The following FMN1 variants were observed in gnomAD, a reference collection of about 807,000 sequenced individuals.
The protein encoded by FMN1 is formin-1.
A neutral mutation model predicts 132.4 loss-of-function variants in FMN1; 110 were observed. The ratio of observed to expected loss-of-function variants is 0.83; its 90% CI spans 0.71 to 0.97. The LOEUF (loss-of-function observed/expected upper bound fraction) is 0.97, where lower values mean the gene tolerates loss of function less well. Ranked by LOEUF, FMN1 falls within the 50% of genes least tolerant of loss-of-function variation. FMN1 has a pLI of 0.00. For missense variants in FMN1, 1,792 were observed against 1,705.3 expected, an observed-to-expected ratio of 1.05 and a Z score of -0.90; for synonymous variants, 722 against 651.7, an observed-to-expected ratio of 1.11 and a Z score of -1.64.
intron 5 of FMN1, chr15:33,066,829 G>A: frequency 6.2e-7 from 1 of 1,613,996 alleles, no homozygotes; most frequent in Non-Finnish European, 8.5e-7. Flanking sequence ...TTTTGGGCAT[G>A]TCAATGTTGA....
intron 5 of FMN1, among the ~76,000 whole-genome samples, chr15:33,084,748 C>G (rs2038623330): frequency 6.6e-6 from 1 of 152,168 alleles, no homozygotes; most frequent in Non-Finnish European, 1.5e-5. Flanking sequence ...TGAGTCTTCT[C>G]ATAGTTTAGT....
chr15:32,884,663 A>G (rs1249754456), intron 16 of FMN1, among the ~76,000 whole-genome samples: 2 of 152,016 alleles, frequency 1.3e-5, no homozygotes, highest in African/African-American at 4.8e-5. Context: ...GCAAGGACAA[A>G]GAGGGAGAAT....
At chr15:33,103,678 C>T (rs1004752838) in intron 4 of FMN1, among the ~76,000 whole-genome samples, 5 of 152,052 alleles carry the variant, frequency 3.3e-5, no homozygotes, top group African/African-American at 9.7e-5. Context: ...CCCTAATCCA[C>T]CAAAATGAGC....
At chr15:32,779,636 T>G (rs914573653) in intron 19 of FMN1, among the ~76,000 whole-genome samples, 1 of 152,208 alleles carries the variant, frequency 6.6e-6, no homozygotes, top group African/African-American at 2.4e-5. Flanking sequence ...GACAACCTAA[T>G]GAATAGGTTC....
chr15:33,089,275 T>G (rs1179569754), intron 4 of FMN1, among the ~76,000 whole-genome samples: 1 of 152,154 alleles, frequency 6.6e-6, no homozygotes, highest in Non-Finnish European at 1.5e-5. Flanking sequence ...TCAGAGGAGC[T>G]AGGGGACAGA....
chr15:32,973,921 A>G (rs1037783645), intron 7 of FMN1, among the ~76,000 whole-genome samples: 4 of 152,184 alleles, frequency 2.6e-5, no homozygotes, highest in Non-Finnish European at 4.4e-5. Context: ...ATCCAGATAC[A>G]CAGCTAGAAA....
chr15:32,976,102 T>C (rs181840026), intron 7 of FMN1, among the ~76,000 whole-genome samples: 2 of 152,240 alleles, frequency 1.3e-5, no homozygotes, highest in African/African-American at 4.8e-5. Flanking sequence ...ACATTCTCTC[T>C]AGGTGGTGCT....
intron 17 of FMN1, among the ~76,000 whole-genome samples, chr15:32,817,218 AC>A: frequency 6.6e-6 from 1 of 152,210 alleles, no homozygotes; most frequent in Non-Finnish European, 1.5e-5. Context: ...TGAATAGACT[AC>A]CAGAACGTCC....
chr15:32,962,603 G>A (rs1355456922), intron 9 of FMN1, among the ~76,000 whole-genome samples: 1 of 150,754 alleles, frequency 6.6e-6, no homozygotes, highest in East Asian at 1.9e-4. Flanking sequence ...TCTGACAAAG[G>A]GCTAATATCC....
intron 3 of FMN1, among the ~76,000 whole-genome samples, chr15:33,161,548 TG>T (rs1964890030): frequency 1.3e-5 from 2 of 152,296 alleles, no homozygotes; most frequent in East Asian, 3.9e-4. Flanking sequence ...TGTGTGATTT[TG>T]GACAAGTTAT....
chr15:32,980,561 T>C (rs566151143), intron 7 of FMN1, among the ~76,000 whole-genome samples: 2 of 152,298 alleles, frequency 1.3e-5, no homozygotes, highest in Non-Finnish European at 2.9e-5. Flanking sequence ...TACACATTTA[T>C]ATACCATCAG....
chr15:32,770,500 A>G lies in FMN1; in HGVS notation c.*3810T>C, dbSNP rs918841084. 2 of 152,238 alleles carry G rather than the reference A, an allele frequency of 1.3e-5. No individual in the cohort carries two copies. Among genetic ancestry groups the G allele is most frequent in the African/African-American group, 2.4e-5 (1 of 41,462 alleles). 9.4% of individuals were successfully genotyped at this position (152,238 alleles called of 1,614,324 possible). ...GCTACATCTCACTGCGGCCCTTAGA[A>G]AAACCGTACCAATGACTTATCTTAC... On this transcript the variant is annotated 3_prime_UTR_variant, in exon 21 of 21. Transcript: ENST00000616417.
Position 33,110,306 on chromosome 15 carries a change from T to C in FMN1, c.1868-21332A>G, listed in dbSNP as rs192385053. The stretch of plus-strand genomic sequence containing the variant: ...ATTGTTCACAATAACTGAAACAATA[T>C]TTATGAAAAGTTAAAAAACACAGGA... On this transcript the variant is annotated intron_variant, in intron 4 of 20. Transcript: ENST00000616417. Among the ~76,000 whole-genome samples the C allele has an allele frequency of 4.4e-3, 672 of 152,162 alleles. 11 individuals are homozygous for C. Among genetic ancestry groups the C allele is most frequent in the Admixed American group, 0.029 (439 of 15,252 alleles).
At chr15:32,984,121 C>G (rs2032896752) in intron 7 of FMN1, among the ~76,000 whole-genome samples, 1 of 151,808 alleles carries the variant, frequency 6.6e-6, no homozygotes, top group Admixed American at 6.6e-5. Flanking sequence ...TGCTTCCAAA[C>G]AAAAAAAGTT....
Position 32,969,479 on chromosome 15 carries a change from T to TATAGGAAA in FMN1, c.2224-10_2224-3dup. 1 of 1,612,326 alleles carries TATAGGAAA rather than the reference T, an allele frequency of 6.2e-7. No homozygotes were observed. The highest frequency in any genetic ancestry group is 1.1e-5 in the South Asian group (1 of 90,970). ...AAATGCCCGAAGTTCAAACTGTGCC[T>TATAGGAAA]ATAGGAAAATTCAGAGGGAAAGAAA... On this transcript the variant is annotated splice_region_variant and splice_polypyrimidine_tract_variant and intron_variant, in intron 7 of 20. Transcript: ENST00000616417.
In FMN1 at chr15:33,054,021, G is replaced by A. The variant is rs1044439152; in HGVS notation, c.2161+10936C>T. Among the ~76,000 whole-genome samples, 4 of 152,098 alleles carry A rather than the reference G, an allele frequency of 2.6e-5. No homozygotes were observed. In the East Asian group the frequency reaches 7.7e-4, roughly 29 times the overall value. On this transcript the variant is annotated intron_variant, in intron 6 of 20. Transcript: ENST00000616417. ...TCTCCAGTGCCTCTCCTCTCCCTGA[G>A]AGTTGAGGAGGTGCTAAAAAATCCA...
At position 32,823,247 on chromosome 15, in the gene FMN1, T is replaced by A. The variant is rs193147299; in HGVS notation, c.3929-18915A>T. ...CTCAATCTCGGCTCACTGCAAGCTC[T>A]GCCTCCTGGGTTCACACCATTCTCC... On this transcript the variant is annotated intron_variant, in intron 17 of 20. Coordinates refer to ENST00000616417, the MANE Select transcript of FMN1 (RefSeq NM_001277313.2). 3.5e-5 allele frequency among the ~76,000 whole-genome samples: 5 copies of A among 144,350 alleles called. No homozygotes were observed. In the Admixed American group the frequency reaches 3.7e-4, roughly 11 times the overall value. 94.7% of individuals were successfully genotyped at this position (144,350 alleles called of 152,430 possible). A position where few individuals can be genotyped will look rare whatever the true frequency, so the allele number is the denominator to read the frequency against.
chr15:33,115,864 A>G (rs995433236), intron 4 of FMN1, among the ~76,000 whole-genome samples: 6 of 152,032 alleles, frequency 3.9e-5, no homozygotes, highest in African/African-American at 1.4e-4. Flanking sequence ...GCAGCTTCCA[A>G]TGAGAGGAAT....
intron 3 of FMN1, among the ~76,000 whole-genome samples, chr15:33,165,680 C>T (rs996198108): frequency 3.3e-5 from 5 of 152,120 alleles, no homozygotes; most frequent in Non-Finnish European, 5.9e-5. Flanking sequence ...TGTGAGCCAC[C>T]GCACCTGGCC....
Sources: allele counts gnomAD v4.1 joint callset (sites outside exome capture counted in the v4.1 genomes callset), GRCh38; gene constraint gnomAD v4.1.1; transcripts MANE v1.5; gene names NCBI Gene and HGNC (gene_info 2026-07-23, HGNC 2026-07-21).